Variants in PTPRT observed in about 807,000 individuals in gnomAD.
PTPRT encodes the protein protein tyrosine phosphatase receptor type T.
In PTPRT, 56 loss-of-function variants were observed where a neutral mutation model predicts 176.8. The observed-to-expected ratio is 0.32, with a 90% CI of 0.26 to 0.40. PTPRT has a LOEUF of 0.40. Ranked by LOEUF, PTPRT falls within the 10% of genes least tolerant of loss-of-function variation. PTPRT has a pLI of 1.00. For missense variants in PTPRT, 1,540 were observed against 1,908.2 expected, an observed-to-expected ratio of 0.81 and a Z score of 3.60; for synonymous variants, 783 against 739.0, an observed-to-expected ratio of 1.06 and a Z score of -0.96.
intron 6 of PTPRT, among the ~76,000 whole-genome samples, chr20:42,689,945 C>G (rs1253907544): frequency 6.6e-6 from 1 of 152,054 alleles, no homozygotes; most frequent in African/African-American, 2.4e-5. Flanking sequence ...TGTCTTAGAC[C>G]ACTAACTTTG....
At chr20:43,101,002 A>G (rs1445665173) in intron 1 of PTPRT, among the ~76,000 whole-genome samples, 2 of 152,200 alleles carry the variant, frequency 1.3e-5, no homozygotes, top group Non-Finnish European at 2.9e-5. Flanking sequence ...AATTTTTCCA[A>G]AAGTTCAGAT....
At chr20:42,602,795 T>C (rs1245523511) in intron 7 of PTPRT, among the ~76,000 whole-genome samples, 7 of 152,038 alleles carry the variant, frequency 4.6e-5, no homozygotes, top group Non-Finnish European at 1.0e-4. Flanking sequence ...CAGTTAGAAC[T>C]GATTTCCACC....
rs879237351 is a variant in PTPRT at position 42,080,288 on chromosome 20, G to A, written c.*591C>T. On this transcript the variant is annotated 3_prime_UTR_variant, in exon 31 of 31. Transcript: ENST00000373187. ...GAAGGGGTACAGAATGGTTGTGGGC[G>A]AAGCCCCATGCAGGTTAGGTGTGAG... The A allele has an allele frequency of 9.4e-5, 22 of 233,308 alleles. No individual in the cohort carries two copies. Among genetic ancestry groups the A allele is most frequent in the South Asian group, 7.2e-4 (4 of 5,542 alleles). The allele number at this position is 233,308 out of a possible 1,614,324, so 14.5% of individuals were successfully genotyped here.
At chr20:43,060,565 AT>A (rs1382587679) in intron 1 of PTPRT, among the ~76,000 whole-genome samples, 1 of 152,216 alleles carries the variant, frequency 6.6e-6, no homozygotes, top group East Asian at 1.9e-4. Context: ...GCAAGTTAAT[AT>A]TTTTAATTCG....
intron 7 of PTPRT, among the ~76,000 whole-genome samples, chr20:42,582,732 G>A (rs1023341872): frequency 4.6e-5 from 7 of 152,208 alleles, no homozygotes; most frequent in African/African-American, 1.7e-4. Flanking sequence ...GGAACTGGAA[G>A]AAATTAACTC....
At chr20:42,533,884 T>C (rs2072428606) in intron 7 of PTPRT, among the ~76,000 whole-genome samples, 2 of 152,172 alleles carry the variant, frequency 1.3e-5, no homozygotes, top group African/African-American at 4.8e-5. Context: ...GAAGGGTGCA[T>C]AAAGTGTGGC....
chr20:42,420,467 A>G (rs2145767490), intron 9 of PTPRT, among the ~76,000 whole-genome samples: 1 of 152,272 alleles, frequency 6.6e-6, no homozygotes, highest in Non-Finnish European at 1.5e-5. Context: ...AGAGAGAGAG[A>G]GAAAAAACAA....
chr20:42,664,896 G>A (rs148734398), intron 7 of PTPRT, among the ~76,000 whole-genome samples: 31 of 152,338 alleles, frequency 2.0e-4, no homozygotes, highest in African/African-American at 7.2e-4. Context: ...GTAGCCATAT[G>A]TAGAAAGCTG....
At chr20:42,123,341 C>T (rs16986531) in intron 19 of PTPRT, among the ~76,000 whole-genome samples, 5,811 of 152,310 alleles carry the variant, frequency 0.038, 137 homozygotes, top group Middle Eastern at 0.15. Flanking sequence ...TGTCAATCAA[C>T]AGGTATTAAG....
chr20:42,807,523 T>C (rs2077628692), intron 2 of PTPRT, among the ~76,000 whole-genome samples: 1 of 152,138 alleles, frequency 6.6e-6, no homozygotes, highest in Non-Finnish European at 1.5e-5. Flanking sequence ...AACACATAAA[T>C]CCAATGCTTT....
In PTPRT at chr20:42,161,418, A is replaced by T; in HGVS notation, c.2616T>A (p.Ala872=). 1 of 1,614,102 alleles carries T rather than the reference A, an allele frequency of 6.2e-7. No homozygotes were observed. Among genetic ancestry groups the T allele is most frequent in the East Asian group, 2.2e-5 (1 of 44,866 alleles). Residue 872 remains alanine (A), a synonymous_variant, in exon 17 of 31, where the codon GCT becomes GCA. Transcript: ENST00000373187. ...TCTGCGTGATGTGCTGCAGCAAGTC[A>T]GCCACCCGGATGGCGGGTTGGAACT... is the stretch of plus-strand genomic sequence containing the variant. ...RDQFQPAIRV[A]DLLQHITQMK...
chr20:42,346,961 G>A (rs985604855), intron 11 of PTPRT, among the ~76,000 whole-genome samples: 4 of 152,188 alleles, frequency 2.6e-5, no homozygotes, highest in East Asian at 3.9e-4. Flanking sequence ...GGTTTACTCC[G>A]TAGCACCCCC....
chr20:42,625,874 A>G (rs1445786738), intron 7 of PTPRT, among the ~76,000 whole-genome samples: 3 of 151,732 alleles, frequency 2.0e-5, no homozygotes, highest in Non-Finnish European at 4.4e-5. Flanking sequence ...GTTCACAAAT[A>G]TGCTTTACCT....
At chr20:42,643,685 G>A (rs1293261324) in intron 7 of PTPRT, among the ~76,000 whole-genome samples, 1 of 152,002 alleles carries the variant, frequency 6.6e-6, no homozygotes, top group East Asian at 1.9e-4. Flanking sequence ...TACAGTTAGT[G>A]ATGGGCAAGC....
Position 43,070,221 on chromosome 20 carries a change from T to C in PTPRT, c.88+119425A>G, listed in dbSNP as rs8116579. Among the ~76,000 whole-genome samples, 1,240 of 152,302 alleles carry C rather than the reference T, an allele frequency of 8.1e-3. 22 individuals are homozygous for C. The highest frequency in any genetic ancestry group is 0.028 in the African/African-American group (1,160 of 41,572). On this transcript the variant is annotated intron_variant, in intron 1 of 30. Transcript: ENST00000373187. The stretch of plus-strand genomic sequence containing the variant: ...AGCAGGTGACCAGCCCCAGATGCTG[T>C]GGGCTCACAGCTTCCTCCTTCTCCA...
chr20:42,940,084 C>G (rs1042945153), intron 1 of PTPRT, among the ~76,000 whole-genome samples: 10 of 151,980 alleles, frequency 6.6e-5, no homozygotes, highest in Admixed American at 6.6e-4. Context: ...AAATATAATC[C>G]CCCCAGGAGA....
At chr20:42,580,219 T>C (rs1043650599) in intron 7 of PTPRT, among the ~76,000 whole-genome samples, 34 of 152,218 alleles carry the variant, frequency 2.2e-4, no homozygotes, top group African/African-American at 7.7e-4. Flanking sequence ...GTTGTAGATA[T>C]ATGGCATTAT....
intron 1 of PTPRT, among the ~76,000 whole-genome samples, chr20:43,092,004 G>T (rs1006092368): frequency 2.6e-5 from 4 of 152,246 alleles, no homozygotes; most frequent in Non-Finnish European, 5.9e-5. Flanking sequence ...TCTCATCACA[G>T]TTCTGGGATG....
chr20:42,858,399 C>T (rs1345735995), intron 2 of PTPRT, among the ~76,000 whole-genome samples: 1 of 152,096 alleles, frequency 6.6e-6, no homozygotes, highest in Non-Finnish European at 1.5e-5. Flanking sequence ...CGAAGGCAGG[C>T]CAGGATGATC....
Sources: gnomAD v4.1 joint callset for allele counts (sites outside exome capture counted in the v4.1 genomes callset) on GRCh38, gnomAD v4.1.1 for gene constraint, MANE v1.5 for transcripts, NCBI Gene and HGNC (gene_info 2026-07-23, HGNC 2026-07-21) for gene names.